ST8SIA2: variants seen among roughly 807,000 people sequenced by gnomAD.
ST8SIA2 encodes the protein alpha-2,8-sialyltransferase 8B.
A neutral mutation model predicts 37.6 loss-of-function variants in ST8SIA2; 22 were observed. The observed-to-expected ratio is 0.58, with a 90% CI of 0.42 to 0.83. The LOEUF (loss-of-function observed/expected upper bound fraction) is 0.83. ST8SIA2 is among the 40% of genes least tolerant of loss of function. The pLI, the probability that ST8SIA2 is intolerant of heterozygous loss-of-function variation, is 0.00. For synonymous variants in ST8SIA2, 205 were observed against 201.2 expected (o/e 1.02, Z -0.16); for missense variants, 382 against 484.7 (o/e 0.79, Z 1.99).
Position 92,452,684 on chromosome 15 carries a change from G to T in ST8SIA2, c.842+7755G>T, listed in dbSNP as rs970762364. ...GCAGGCAGCAGACAGGTAGACCAGGGATTAGTATAGTCATTTCACATCTGG... is the reference window on the plus strand; with the variant it reads ...GCAGGCAGCAGACAGGTAGACCAGGTATTAGTATAGTCATTTCACATCTGG... On this transcript the variant is annotated intron_variant, in intron 5 of 5. Transcript: ENST00000268164. Among the ~76,000 whole-genome samples the T allele has an allele frequency of 1.1e-4, 17 of 152,314 alleles. No homozygotes were observed. In the East Asian group the frequency reaches 3.3e-3, roughly 29 times the overall value.
At chr15:92,408,719 T>A (rs572472887) in intron 1 of ST8SIA2, among the ~76,000 whole-genome samples, 7 of 148,614 alleles carry the variant, frequency 4.7e-5, no homozygotes, top group African/African-American at 1.7e-4. Flanking sequence ...ATTTATTTAT[T>A]TATTGAGATG....
chr15:92,399,499 G>A (rs547479148), intron 1 of ST8SIA2, among the ~76,000 whole-genome samples: 7 of 152,330 alleles, frequency 4.6e-5, no homozygotes, highest in East Asian at 3.9e-4. Context: ...GAGGTGAATC[G>A]TTTAGTGGAC....
chr15:92,445,239 G>A, intron 5 of ST8SIA2: 1 of 485,410 alleles, frequency 2.1e-6, no homozygotes, highest in Non-Finnish European at 3.8e-6. Context: ...CATGGGAGGA[G>A]AGATGGCGGC....
chr15:92,420,679 G>A lies in ST8SIA2; in HGVS notation c.99-9370G>A, dbSNP rs867460370. Reference sequence around the variant, plus strand: ...AAGAAAAGAACTGAGCAGTCAATAAGGAGAGCTCAGGAGTCATCATAAAAA... The same window carrying A: ...AAGAAAAGAACTGAGCAGTCAATAAAGAGAGCTCAGGAGTCATCATAAAAA... On this transcript the variant is annotated intron_variant, in intron 1 of 5. Transcript: ENST00000268164. 5.9e-5 allele frequency among the ~76,000 whole-genome samples: 9 copies of A among 152,252 alleles called. No individual in the cohort carries two copies. The Middle Eastern group carries it at 0.01, about 173-fold the overall frequency.
intron 5 of ST8SIA2, 45 bp from the exon 6 acceptor site, chr15:92,464,055 A>G (rs772175409): frequency 1.0e-4 from 154 of 1,517,070 alleles, no homozygotes; most frequent in Middle Eastern, 1.9e-4. Context: ...GATGACTCAC[A>G]GACCCATGTT....
chr15:92,402,754 C>T (rs375423571), intron 1 of ST8SIA2, among the ~76,000 whole-genome samples: 15 of 152,172 alleles, frequency 9.9e-5, no homozygotes, highest in African/African-American at 3.6e-4. Flanking sequence ...CTGCCTCTGC[C>T]TCCCCACATT....
At chr15:92,437,171 CATCTTTGT>C (rs2049765012) in intron 3 of ST8SIA2, among the ~76,000 whole-genome samples, 3 of 152,176 alleles carry the variant, frequency 2.0e-5, no homozygotes, top group Non-Finnish European at 4.4e-5. Flanking sequence ...CAAAGAACAG[CATCTTTGT>C]ATCTGTTCTA....
chr15:92,413,849 G>A (rs1429923401), intron 1 of ST8SIA2, among the ~76,000 whole-genome samples: 1 of 152,216 alleles, frequency 6.6e-6, no homozygotes, highest in Non-Finnish European at 1.5e-5. Context: ...GGAGTGTGGG[G>A]AGAGGGTGAG....
chr15:92,413,352 TC>T (rs2049563624), intron 1 of ST8SIA2, among the ~76,000 whole-genome samples: 1 of 152,236 alleles, frequency 6.6e-6, no homozygotes, highest in Non-Finnish European at 1.5e-5. Context: ...TTTTTACTCT[TC>T]ACAGTTCACC....
At chr15:92,419,201 T>A (rs2049612567) in intron 1 of ST8SIA2, among the ~76,000 whole-genome samples, 1 of 152,062 alleles carries the variant, frequency 6.6e-6, no homozygotes, top group Non-Finnish European at 1.5e-5. Flanking sequence ...CATTGCAAGG[T>A]GGCCATATCA....
intron 1 of ST8SIA2, among the ~76,000 whole-genome samples, chr15:92,400,042 C>A (rs114054555): frequency 5.3e-5 from 8 of 152,150 alleles, no homozygotes; most frequent in Non-Finnish European, 1.0e-4. Context: ...GGATTTCATA[C>A]CTCTGTGCCT....
chr15:92,438,223 C>T lies in ST8SIA2; in HGVS notation c.291-130C>T, dbSNP rs2049773591. ...GAACCTGTTCTCGAGGGCATCTGAA[C>T]TCTCATCATACTCTGCGTGTTTGCT... On this transcript the variant is annotated intron_variant, in intron 3 of 5. Transcript: ENST00000268164. The T allele has an allele frequency of 1.7e-5, 23 of 1,371,406 alleles. 1 individual carries two copies. The highest frequency in any genetic ancestry group is 1.8e-4 in the Middle Eastern group (1 of 5,542). 85.0% of individuals were successfully genotyped at this position (1,371,406 alleles called of 1,614,324 possible). A position where few individuals can be genotyped will look rare whatever the true frequency, so the allele number is the denominator to read the frequency against.
At chr15:92,416,070 G>A (rs141032344) in intron 1 of ST8SIA2, among the ~76,000 whole-genome samples, 186 of 152,208 alleles carry the variant, frequency 1.2e-3, no homozygotes, top group African/African-American at 4.3e-3. Flanking sequence ...ACTGCATTTC[G>A]GAAAGCTGTG....
At position 92,464,732 on chromosome 15, in the gene ST8SIA2, G is replaced by T; in HGVS notation, c.*347G>T. On this transcript the variant is annotated 3_prime_UTR_variant, in exon 6 of 6. Coordinates refer to ENST00000268164, the MANE Select transcript of ST8SIA2 (RefSeq NM_006011.4). ...TGGATGACAAACTGCCTCCTGGCTT[G>T]GAGGGATCTTTGGGCTCATGGATGA... 1 of 314,790 alleles carries T rather than the reference G, an allele frequency of 3.2e-6. No homozygotes were observed. Among genetic ancestry groups the T allele is most frequent in the East Asian group, 8.1e-5 (1 of 12,366 alleles). 19.5% of individuals were successfully genotyped at this position (314,790 alleles called of 1,614,324 possible). A position where few individuals can be genotyped will look rare whatever the true frequency, so the allele number is the denominator to read the frequency against.
At chr15:92,412,027 C>T (rs187613145) in intron 1 of ST8SIA2, among the ~76,000 whole-genome samples, 51 of 152,086 alleles carry the variant, frequency 3.4e-4, no homozygotes, top group Admixed American at 2.6e-4. Context: ...TCCTTACAGA[C>T]GAGGGCCTCA....
intron 1 of ST8SIA2, chr15:92,421,379 A>C (rs1356576577): frequency 1.3e-5 from 2 of 152,236 alleles, no homozygotes; most frequent in Non-Finnish European, 1.5e-5. Context: ...ATATTGGCTC[A>C]CAGGTGAAAT....
chr15:92,434,346 A>G lies in ST8SIA2; in HGVS notation c.261A>G (p.Arg87=), dbSNP rs200876597. 6 of 1,614,218 alleles carry G rather than the reference A, an allele frequency of 3.7e-6. No individual in the cohort carries two copies. Among genetic ancestry groups the G allele is most frequent in the Non-Finnish European group, 5.1e-6 (6 of 1,180,040 alleles). Reference sequence around the variant, plus strand: ...TCCAGCCAGCCTCGTCCAAATGGAGACATAACCAGACGCTCTCTCTGAGGA... The same window carrying G: ...TCCAGCCAGCCTCGTCCAAATGGAGGCATAACCAGACGCTCTCTCTGAGGA... ...HNIQPASSKW[R]HNQTLSLRIR... is the part of the protein sequence containing the mutation. Residue 87 remains arginine (R), a synonymous_variant, in exon 3 of 6, where the codon AGA becomes AGG. Transcript: ENST00000268164.
intron 4 of ST8SIA2, among the ~76,000 whole-genome samples, chr15:92,443,997 G>A (rs2049822406): frequency 2.0e-5 from 3 of 152,146 alleles, no homozygotes; most frequent in African/African-American, 7.2e-5. Flanking sequence ...CTTCTGCTTA[G>A]TGGTCACCAC....
At chr15:92,398,581 G>A (rs1461938105) in intron 1 of ST8SIA2, among the ~76,000 whole-genome samples, 1 of 152,192 alleles carries the variant, frequency 6.6e-6, no homozygotes, top group African/African-American at 2.4e-5. Flanking sequence ...GGCACTGTTT[G>A]TAGAGCTCTG....
Sources: gnomAD v4.1 joint callset for allele counts (sites outside exome capture counted in the v4.1 genomes callset) on GRCh38, gnomAD v4.1.1 for gene constraint, MANE v1.5 for transcripts, NCBI Gene and HGNC (gene_info 2026-07-23, HGNC 2026-07-21) for gene names.